TMEM91: variants seen among roughly 807,000 people sequenced by gnomAD.
TMEM91 encodes the protein dispanin subfamily C member 3.
Under a neutral mutation model 13.3 loss-of-function variants are expected in TMEM91, and 6 were observed. That is an observed-to-expected ratio of 0.45 (90% CI 0.25 to 0.89). TMEM91 has a LOEUF of 0.89. Among genes scored for constraint, TMEM91 ranks in the 40% least tolerant of loss-of-function variants. The pLI, the probability that TMEM91 is intolerant of heterozygous loss-of-function variation, is 0.19. For missense variants in TMEM91, 193 were observed against 228.7 expected, an observed-to-expected ratio of 0.84 and a Z score of 1.01; for synonymous variants, 87 against 101.7, an observed-to-expected ratio of 0.86 and a Z score of 0.87.
At chr19:41,376,310 G>C (rs1214709761), upstream of TMEM91, 1 of 152,164 alleles carries the variant, frequency 6.6e-6, no homozygotes, top group African/African-American at 2.4e-5. Context: ...CCTAACCTCG[G>C]CTTGCCAGTT....
At chr19:41,378,166 G>T in intron 1 of TMEM91, 115 bp from the exon 2 acceptor site, 1 of 729,456 alleles carries the variant, frequency 1.4e-6, no homozygotes, top group Non-Finnish European at 2.3e-6. Context: ...CTGTAAAATG[G>T]GTCTGAGGAC....
chr19:41,365,086 A>G lies in TMEM91; in HGVS notation c.-30+991A>G, dbSNP rs140360218. 3.1e-3 allele frequency among the ~76,000 whole-genome samples: 466 copies of G among 148,624 alleles called. 4 individuals are homozygous for G. Among genetic ancestry groups the G allele is most frequent in the South Asian group, 0.027 (125 of 4,704 alleles). ...AGAGATGGAGTCCTGCTATGTTGCTATGTTGCCCAGTCTTGTCTTGACCTC... is the reference window on the plus strand; with the variant it reads ...AGAGATGGAGTCCTGCTATGTTGCTGTGTTGCCCAGTCTTGTCTTGACCTC... On this transcript the variant is annotated intron_variant, in intron 1 of 3. Transcript: ENST00000413014.
Position 41,384,009 on chromosome 19 carries a change from C to A in TMEM91, c.*136C>A. On this transcript the variant is annotated 3_prime_UTR_variant, in exon 4 of 4. Transcript: ENST00000392002. ...GAAACGGGAGCGAGCTGGACTGGAACCCTTCCCCTTCCTGGCCACCGCTCT... is the reference window on the plus strand; with the variant it reads ...GAAACGGGAGCGAGCTGGACTGGAAACCTTCCCCTTCCTGGCCACCGCTCT... 7.1e-7 allele frequency: 1 copy of A among 1,407,124 alleles called. No homozygotes were observed. Among genetic ancestry groups the A allele is most frequent in the Non-Finnish European group, 9.4e-7 (1 of 1,068,552 alleles). The allele number at this position is 1,407,124 out of a possible 1,614,324, so 87.2% of individuals were successfully genotyped here.
At chr19:41,370,200 C>T (rs542764213) in intron 1 of TMEM91, among the ~76,000 whole-genome samples, 10 of 152,150 alleles carry the variant, frequency 6.6e-5, no homozygotes, top group African/African-American at 2.2e-4. Flanking sequence ...ACCTCAGCCT[C>T]CCGAGTAACT....
At chr19:41,371,311 CTCCTTCCTTCCTTCCTTCCT>C (rs34140170) in intron 1 of TMEM91, among the ~76,000 whole-genome samples, 100 of 111,992 alleles carry the variant, frequency 8.9e-4, no homozygotes, top group Admixed American at 1.4e-3. Context: ...CCACTATCCT[CTCCTTCCTTCCTTCCTTCCT>C]TCCTTCCTTC....
chr19:41,383,752 C>T lies in TMEM91; in HGVS notation c.398C>T (p.Ala133Val), dbSNP rs561075750. 1.9e-6 allele frequency: 3 copies of T among 1,608,610 alleles called. No individual in the cohort carries two copies. The highest frequency in any genetic ancestry group is 1.3e-5 in the African/African-American group (1 of 74,650). The change falls in exon 4 of 4, where the codon GCA becomes GTA. Residue 133 changes from alanine to valine, a missense_variant. Ala to Val is a moderately conservative substitution (Grantham distance 64). Coordinates refer to ENST00000392002, the MANE Select transcript of TMEM91 (RefSeq NM_001098821.2). ...KAWAKGDIQG[A>V]GAASRRAFLL... The stretch of plus-strand genomic sequence containing the variant: ...TGGGCCAAGGGGGACATCCAGGGGG[C>T]AGGGGCCGCCTCCCGCCGTGCCTTC...
In TMEM91 at chr19:41,383,735, G is replaced by A. The variant is rs759451808; in HGVS notation, c.381G>A (p.Lys127=). 1.2e-6 allele frequency: 2 copies of A among 1,609,062 alleles called. No individual in the cohort carries two copies. The highest frequency in any genetic ancestry group is 1.7e-6 in the Non-Finnish European group (2 of 1,177,116). The change falls in exon 4 of 4, where the codon AAG becomes AAA. Residue 127 remains lysine, a synonymous_variant. Transcript: ENST00000392002. ...LAQKTNKAWA[K]GDIQGAGAAS... ...TACAGACCAACAAGGCTTGGGCCAA[G>A]GGGGACATCCAGGGGGCAGGGGCCG...
chr19:41,383,373 A>T, intron 3 of TMEM91: 2 of 691,844 alleles, frequency 2.9e-6, no homozygotes, highest in Non-Finnish European at 4.1e-6. Flanking sequence ...ATTTTGGGCA[A>T]GTCACTTAAC....
chr19:41,372,044 A>G (rs1394103097), upstream of TMEM91, among the ~76,000 whole-genome samples: 1 of 146,828 alleles, frequency 6.8e-6, no homozygotes, highest in African/African-American at 2.5e-5. Flanking sequence ...TAAGTTTTGG[A>G]GAGAGAGGGT....
At chr19:41,370,706 C>T (rs921070958) in intron 1 of TMEM91, among the ~76,000 whole-genome samples, 1 of 141,718 alleles carries the variant, frequency 7.1e-6, no homozygotes, top group Non-Finnish European at 1.5e-5. Context: ...TGCCTGGCCA[C>T]CTATTTATTT....
chr19:41,366,982 A>C (rs952000234), intron 1 of TMEM91, among the ~76,000 whole-genome samples: 2 of 151,912 alleles, frequency 1.3e-5, no homozygotes, highest in African/African-American at 4.8e-5. Context: ...TCTACTAAAA[A>C]ATACCAAAAC....
intron 1 of TMEM91, among the ~76,000 whole-genome samples, chr19:41,365,586 G>T (rs530788226): frequency 4.6e-5 from 7 of 151,536 alleles, no homozygotes; most frequent in African/African-American, 1.5e-4. Context: ...TGTATTTTTA[G>T]TAGAGACGGG....
chr19:41,367,196 C>G (rs939096082), intron 1 of TMEM91, among the ~76,000 whole-genome samples: 1 of 152,192 alleles, frequency 6.6e-6, no homozygotes, highest in African/African-American at 2.4e-5. Flanking sequence ...AGAGTTTATT[C>G]CAGGCTACAG....
At chr19:41,366,264 C>T (rs1406227365) in intron 1 of TMEM91, among the ~76,000 whole-genome samples, 1 of 151,882 alleles carries the variant, frequency 6.6e-6, no homozygotes, top group East Asian at 1.9e-4. Flanking sequence ...CCCTGGTCCC[C>T]TAGTGGTGGC....
chr19:41,381,025 C>T (rs2038869426), intron 2 of TMEM91, among the ~76,000 whole-genome samples: 1 of 121,428 alleles, frequency 8.2e-6, no homozygotes, highest in East Asian at 2.5e-4. Flanking sequence ...ATGGAGGTTG[C>T]AGTGAGCTGA....
chr19:41,364,562 C>T (rs1450729787), intron 1 of TMEM91, among the ~76,000 whole-genome samples: 2 of 151,934 alleles, frequency 1.3e-5, no homozygotes, highest in East Asian at 1.9e-4. Flanking sequence ...AAAAATCACT[C>T]CTCATTCAGA....
intron 1 of TMEM91, among the ~76,000 whole-genome samples, chr19:41,368,444 G>T (rs1016402220): frequency 2.6e-5 from 4 of 151,130 alleles, no homozygotes; most frequent in African/African-American, 7.3e-5. Context: ...TGGTTATTGG[G>T]TTTTTTTGAG....
At chr19:41,378,852 G>C (rs1320188600) in intron 2 of TMEM91, among the ~76,000 whole-genome samples, 1 of 151,634 alleles carries the variant, frequency 6.6e-6, no homozygotes, top group Non-Finnish European at 1.5e-5. Flanking sequence ...GAGAGAGAGA[G>C]ACAGGGTCTC....
chr19:41,366,558 G>A (rs2038530939), intron 1 of TMEM91, among the ~76,000 whole-genome samples: 1 of 152,122 alleles, frequency 6.6e-6, no homozygotes, highest in Non-Finnish European at 1.5e-5. Flanking sequence ...ATTTCACTCA[G>A]GGTAAAAGCC....
Sources: gnomAD v4.1 joint callset for allele counts (sites outside exome capture counted in the v4.1 genomes callset) on GRCh38, gnomAD v4.1.1 for gene constraint, MANE v1.5 for transcripts, NCBI Gene and HGNC (gene_info 2026-07-23, HGNC 2026-07-21) for gene names.